The following GJC2 variants were observed in gnomAD, a reference collection of about 807,000 sequenced individuals.
GJC2 encodes the protein gap junction protein gamma 2, also known as gap junction gamma-2 protein.
For synonymous variants in GJC2, 336 were observed against 307.5 expected (o/e 1.09, Z -0.97); for missense variants, 647 against 648.9 (o/e 1.00, Z 0.03).
chr1:228,156,899 GA>G (rs2034686363), intron 1 of GJC2, among the ~76,000 whole-genome samples: 1 of 152,276 alleles, frequency 6.6e-6, no homozygotes, highest in African/African-American at 2.4e-5. Flanking sequence ...CGCAGGTGCT[GA>G]GTGTGGCCTC....
chr1:228,158,581 A>G lies in GJC2; in HGVS notation c.823A>G (p.Ser275Gly). The G allele has an allele frequency of 6.2e-7, 1 of 1,612,308 alleles. No individual in the cohort carries two copies. The highest frequency in any genetic ancestry group is 8.5e-7 in the Non-Finnish European group (1 of 1,179,390). Residue 275 changes from serine to glycine, a missense_variant, in exon 2 of 2, where the codon AGC (serine) becomes GGC (glycine). Physicochemically the swap from Ser to Gly is moderately conservative, Grantham distance 56 (BLOSUM62 0). Transcript: ENST00000366714. This position sits in a 1 kb window ranked among gnomAD's most constrained non-coding sequence, Gnocchi z 8.3. The part of the protein sequence containing the change: ...TVFLLVMYVV[S>G]CLCLLLNLCE... ...CTTCCTGCTGGTTATGTACGTGGTC[A>G]GCTGCCTGTGCCTGCTGCTCAACCT... is the stretch of plus-strand genomic sequence containing the variant.
In GJC2 at chr1:228,158,945, G is replaced by C; in HGVS notation, c.1187G>C (p.Ser396Thr). 1 of 1,566,746 alleles carries C rather than the reference G, an allele frequency of 6.4e-7. No homozygotes were observed. The highest frequency in any genetic ancestry group is 8.6e-7 in the Non-Finnish European group (1 of 1,159,158). Residue 396 changes from serine to threonine, a missense_variant, in exon 2 of 2, where the codon AGT (serine) becomes ACT (threonine). Coordinates refer to ENST00000366714, the MANE Select transcript of GJC2 (RefSeq NM_020435.4). The surrounding 1 kb of genome is among the most constrained non-coding windows in gnomAD (Gnocchi z 8.3). ...GGCGCCCCCGCGTCCCGGACGGGCAGTGCTACCTCTGCGGGCACTGTCGGG... is the reference window on the plus strand; with the variant it reads ...GGCGCCCCCGCGTCCCGGACGGGCACTGCTACCTCTGCGGGCACTGTCGGG... ...RAGAPASRTG[S>T]ATSAGTVGEQ...
intron 1 of GJC2, among the ~76,000 whole-genome samples, chr1:228,156,147 CGTG>C (rs1043036733): frequency 2.0e-5 from 3 of 152,026 alleles, no homozygotes; most frequent in African/African-American, 7.2e-5. Flanking sequence ...CCTGATCACA[CGTG>C]TGTGTGTGTG....
In GJC2 at chr1:228,150,047, G is replaced by C; in HGVS notation, c.-20+40G>C. The stretch of plus-strand genomic sequence containing the variant: ...TCCATGTATGTACCTCATGGGGCTG[G>C]GGGCTGTTGCCCCAGGAGACAGCCT... On this transcript the variant is annotated intron_variant, in intron 1 of 1. Coordinates refer to ENST00000366714, the MANE Select transcript of GJC2 (RefSeq NM_020435.4). This position sits in a 1 kb window ranked among gnomAD's most constrained non-coding sequence, Gnocchi z 4.6. 6.6e-6 allele frequency: 1 copy of C among 152,286 alleles called. No individual in the cohort carries two copies. 9.4% of individuals were successfully genotyped at this position (152,286 alleles called of 1,614,324 possible).
Position 228,151,526 on chromosome 1 carries a change from T to C in GJC2, c.-20+1519T>C, listed in dbSNP as rs1470825110. Among the ~76,000 whole-genome samples, 1 of 151,614 alleles carries C rather than the reference T, an allele frequency of 6.6e-6. No homozygotes were observed. ...GAGGGTTCATGGCTATGTGTGAGAG[T>C]GAGTGTGTGAGCCCAGCTCCATGTT... On this transcript the variant is annotated intron_variant, in intron 1 of 1. Coordinates refer to ENST00000366714, the MANE Select transcript of GJC2 (RefSeq NM_020435.4). The surrounding 1 kb of genome is among the most constrained non-coding windows in gnomAD (Gnocchi z 5.4).
At chr1:228,156,757 G>A (rs916842950) in intron 1 of GJC2, among the ~76,000 whole-genome samples, 1 of 152,246 alleles carries the variant, frequency 6.6e-6, no homozygotes, top group Non-Finnish European at 1.5e-5. Context: ...TGGGGCAACC[G>A]CCAGCAGAGG....
At position 228,159,034 on chromosome 1, in the gene GJC2, G is replaced by A; in HGVS notation, c.1276G>A (p.Gly426Ser). 6.2e-7 allele frequency: 1 copy of A among 1,610,130 alleles called. No homozygotes were observed. Among genetic ancestry groups the A allele is most frequent in the Non-Finnish European group, 8.5e-7 (1 of 1,179,626 alleles). ...CAAGCCCAGGGCTGGCTCCGAGAAGGGCAGTGCCAGCAGCAGGGACGGGAA... is the reference window on the plus strand; with the variant it reads ...CAAGCCCAGGGCTGGCTCCGAGAAGAGCAGTGCCAGCAGCAGGGACGGGAA... Reference protein sequence around the residue: ...GAKPRAGSEKGSASSRDGKTT... With the variant: ...GAKPRAGSEKSSASSRDGKTT... Residue 426 changes from glycine (G) to serine (S), a missense_variant, in exon 2 of 2, where the codon GGC becomes AGC. Gly to Ser is a moderately conservative substitution (Grantham distance 56). Coordinates refer to ENST00000366714, the MANE Select transcript of GJC2 (RefSeq NM_020435.4). The surrounding 1 kb of genome is among the most constrained non-coding windows in gnomAD (Gnocchi z 4.0).
chr1:228,153,574 CTCTTT>C lies in GJC2; in HGVS notation c.-20+3574_-20+3578del, dbSNP rs1293842838. On this transcript the variant is annotated intron_variant, in intron 1 of 1. Coordinates refer to ENST00000366714, the MANE Select transcript of GJC2 (RefSeq NM_020435.4). ...AAATTTTTGTATTAAGACCCCATTTCTCTTTTCTTTTTTTTTTTTTTTTTTTTGAG... is the reference window on the plus strand; with the variant it reads ...AAATTTTTGTATTAAGACCCCATTTCTCTTTTTTTTTTTTTTTTTTTTGAG... 7.3e-4 allele frequency among the ~76,000 whole-genome samples: 98 copies of C among 133,436 alleles called. 1 individual carries two copies. The highest frequency in any genetic ancestry group is 2.5e-3 in the African/African-American group (90 of 35,632). 87.5% of individuals were successfully genotyped at this position (133,436 alleles called of 152,430 possible).
rs886783252 is a variant in GJC2, at chr1:228,157,867, G to A, written c.109G>A (p.Val37Met). 6.2e-7 allele frequency: 1 copy of A among 1,611,610 alleles called. No individual in the cohort carries two copies. Among genetic ancestry groups the A allele is most frequent in the Non-Finnish European group, 8.5e-7 (1 of 1,179,458 alleles). ...WLTVLVVFRI[V>M]LTAVGGEAIY... The stretch of plus-strand genomic sequence containing the variant: ...CACGGTGCTGGTGGTCTTCCGCATC[G>A]TGCTGACGGCTGTGGGCGGCGAGGC... Residue 37 changes from valine to methionine, a missense_variant, in exon 2 of 2, where the codon GTG becomes ATG. Val to Met is a conservative substitution (Grantham distance 21). Transcript: ENST00000366714.
chr1:228,153,609 C>T (rs1204178165), intron 1 of GJC2, among the ~76,000 whole-genome samples: 2 of 134,232 alleles, frequency 1.5e-5, no homozygotes, highest in South Asian at 2.4e-4. Context: ...TTTGAGACAG[C>T]GTCTCACTCT....
At chr1:228,156,195 T>C (rs1455287324) in intron 1 of GJC2, among the ~76,000 whole-genome samples, 1 of 152,120 alleles carries the variant, frequency 6.6e-6, no homozygotes, top group Non-Finnish European at 1.5e-5. Flanking sequence ...CATATATGTG[T>C]ATGTGGTTGT....
At chr1:228,156,913 A>G (rs532826961) in intron 1 of GJC2, among the ~76,000 whole-genome samples, 1 of 152,362 alleles carries the variant, frequency 6.6e-6, no homozygotes, top group Admixed American at 6.5e-5. Flanking sequence ...GTGGCCTCAC[A>G]TCACTGGGTC....
intron 1 of GJC2, among the ~76,000 whole-genome samples, chr1:228,154,901 T>G (rs2034661727): frequency 6.6e-6 from 1 of 152,204 alleles, no homozygotes; most frequent in Non-Finnish European, 1.5e-5. Flanking sequence ...GGTTCCTGAT[T>G]CCTGTGATTG....
Position 228,158,100 on chromosome 1 carries a change from C to T in GJC2, c.342C>T (p.Leu114=), listed in dbSNP as rs967962569. The change falls in exon 2 of 2, where the codon CTC becomes CTT. Residue 114 remains leucine, a synonymous_variant. Transcript: ENST00000366714. The surrounding 1 kb of genome is among the most constrained non-coding windows in gnomAD (Gnocchi z 8.3). The part of the protein sequence containing the change: ...RASEQERRRA[L]RRRPGPRRAP... ...CTGAGCAGGAGCGGCGCCGCGCCCT[C>T]CGCCGCCGCCCGGGGCCACGCCGCG... The T allele has an allele frequency of 4.2e-6, 6 of 1,429,398 alleles. No individual in the cohort carries two copies. In the African/African-American group the frequency reaches 4.4e-5, roughly 11 times the overall value. The allele number at this position is 1,429,398 out of a possible 1,614,324, so 88.5% of individuals were successfully genotyped here.
chr1:228,156,794 CCTT>C (rs982752618), intron 1 of GJC2, among the ~76,000 whole-genome samples: 1 of 152,244 alleles, frequency 6.6e-6, no homozygotes, highest in African/African-American at 2.4e-5. Flanking sequence ...CAGGAGCTCT[CCTT>C]CTTTGGAGCA....
At chr1:228,156,511 G>C (rs948237246) in intron 1 of GJC2, among the ~76,000 whole-genome samples, 5 of 152,208 alleles carry the variant, frequency 3.3e-5, no homozygotes, top group Admixed American at 3.3e-4. Flanking sequence ...GGCTCTGAGG[G>C]GTACTGCACA....
Position 228,158,229 on chromosome 1 carries a change from G to A in GJC2, c.471G>A (p.Glu157=). The A allele has an allele frequency of 1.3e-6, 2 of 1,504,194 alleles. No homozygotes were observed. The highest frequency in any genetic ancestry group is 1.8e-6 in the Non-Finnish European group (2 of 1,130,416). The allele number at this position is 1,504,194 out of a possible 1,614,324, so 93.2% of individuals were successfully genotyped here. ...MLGLGEEEEE[E]ETGAAEGAGE... ...GCCTGGGCGAGGAGGAGGAGGAGGA[G>A]GAGACGGGGGCAGCCGAGGGCGCCG... The change falls in exon 2 of 2, where the codon GAG becomes GAA. Residue 157 remains glutamate (E), a synonymous_variant. Transcript: ENST00000366714. The surrounding 1 kb of genome is among the most constrained non-coding windows in gnomAD (Gnocchi z 8.3).
Position 228,157,922 on chromosome 1 carries a change from C to T in GJC2, c.164C>T (p.Thr55Ile), listed in dbSNP as rs1028931597. ...AIYSDEQAKF[T>I]CNTRQPGCDN... is the part of the protein sequence containing the mutation. Reference sequence around the variant, plus strand: ...TACTCGGACGAGCAGGCCAAGTTCACTTGCAACACGCGGCAGCCAGGCTGC... The same window carrying T: ...TACTCGGACGAGCAGGCCAAGTTCATTTGCAACACGCGGCAGCCAGGCTGC... Residue 55 changes from threonine to isoleucine, a missense_variant, in exon 2 of 2, where the codon ACT becomes ATT. Coordinates refer to ENST00000366714, the MANE Select transcript of GJC2 (RefSeq NM_020435.4). The T allele has an allele frequency of 5.6e-6, 9 of 1,612,716 alleles. No individual in the cohort carries two copies. The highest frequency in any genetic ancestry group is 7.6e-6 in the Non-Finnish European group (9 of 1,179,882).
Position 228,157,740 on chromosome 1 carries a change from G to GGGGGGGGGGGGGGCCCCC in GJC2, c.-19_-18insGGGGGGGGGGGGGCCCCC. 1.5e-6 allele frequency: 1 copy of GGGGGGGGGGGGGGCCCCC among 662,262 alleles called. No homozygotes were observed. The highest frequency in any genetic ancestry group is 2.9e-5 in the East Asian group (1 of 34,396). The allele number at this position is 662,262 out of a possible 1,614,324, so 41.0% of individuals were successfully genotyped here. A position where few individuals can be genotyped will look rare whatever the true frequency, so the allele number is the denominator to read the frequency against. ...GGCTGACCCCTACCCCGCCCCACAG[G>GGGGGGGGGGGGGGCCCCC]ACCCGCCCGCCCGCCCCTATGACCA... On this transcript the variant is annotated splice_region_variant and 5_prime_UTR_variant, in exon 2 of 2. Coordinates refer to ENST00000366714, the MANE Select transcript of GJC2 (RefSeq NM_020435.4).
Sources: allele counts gnomAD v4.1 joint callset (sites outside exome capture counted in the v4.1 genomes callset), GRCh38; gene constraint gnomAD v4.1.1; non-coding constraint Gnocchi (gnomAD v3.1); transcripts MANE v1.5; gene names NCBI Gene and HGNC (gene_info 2026-07-23, HGNC 2026-07-21).